TTN: variants seen among roughly 807,000 people sequenced by gnomAD.
TTN encodes connectin.
TTN carries 1,525 observed loss-of-function variants against 3,223.0 expected under a neutral mutation model. The observed-to-expected ratio is 0.47, with a 90% CI of 0.45 to 0.49. The LOEUF is 0.49. TTN is among the 20% of genes least tolerant of loss of function. TTN has a pLI of 0.00. For missense variants in TTN, 40,786 were observed against 43,424.0 expected, an observed-to-expected ratio of 0.94 and a Z score of 5.40; for synonymous variants, 14,094 against 15,161.0, an observed-to-expected ratio of 0.93 and a Z score of 5.17.
chr2:178,577,743 T>C lies in TTN; in HGVS notation c.68683A>G (p.Asn22895Asp), dbSNP rs2046758201. The C allele has an allele frequency of 6.2e-7, 1 of 1,613,440 alleles. No homozygotes were observed. The highest frequency in any genetic ancestry group is 1.1e-5 in the South Asian group (1 of 91,052). ...SKSWMKANHV[N>D]VPECAFTVTD... ...ACAGTAAAGGCACATTCTGGGACAT[T>C]AACATGGTTGGCTTTCATCCAAGAC... is the stretch of plus-strand genomic sequence containing the variant. Residue 22895 changes from asparagine (N) to aspartate (D), a missense_variant, in exon 323 of 363, where the codon AAT becomes GAT. Physicochemically the swap from Asn to Asp is conservative, Grantham distance 23. Transcript: ENST00000589042.
Position 178,618,641 on chromosome 2 carries a change from T to C in TTN, c.46909A>G (p.Ile15637Val). 1.2e-6 allele frequency: 2 copies of C among 1,612,492 alleles called. No homozygotes were observed. Among genetic ancestry groups the C allele is most frequent in the Non-Finnish European group, 1.7e-6 (2 of 1,179,052 alleles). Residue 15637 changes from isoleucine (I) to valine (V), a missense_variant, in exon 251 of 363, where the codon ATT (isoleucine) becomes GTT (valine). By Grantham distance (29) the Ile-to-Val change is conservative (BLOSUM62 3). Transcript: ENST00000589042. ...TTTCCATGTTTGTTCTGAAGCACAA[T>C]TTTATACCTCCCTTTGTCTCCTTTC... is the stretch of plus-strand genomic sequence containing the variant. ...AKKGDKGRYK[I>V]VLQNKHGKAE...
intron 49 of TTN, 72 bp downstream of exon 49, chr2:178,738,010 C>A: frequency 1.3e-6 from 2 of 1,557,460 alleles, no homozygotes; most frequent in South Asian, 1.2e-5. Flanking sequence ...ATTTCCCACA[C>A]ATGTACAGAA....
At position 178,712,524 on chromosome 2, in the gene TTN, C is replaced by G; in HGVS notation, c.27398G>C (p.Gly9133Ala). Reference protein sequence around the residue: ...IEKGKPLILEGTFTGTPPISV... With the variant: ...IEKGKPLILEATFTGTPPISV... ...AATGGGAGGAGTTCCAGTGAATGTA[C>G]CCTCTAGGATCAGGGGTTTTCCTTT... Residue 9133 changes from glycine (G) to alanine (A), a missense_variant, in exon 95 of 363, where the codon GGT becomes GCT. Coordinates refer to ENST00000589042, the MANE Select transcript of TTN (RefSeq NM_001267550.2). 6.2e-7 allele frequency: 1 copy of G among 1,613,604 alleles called. No individual in the cohort carries two copies. The highest frequency in any genetic ancestry group is 8.5e-7 in the Non-Finnish European group (1 of 1,179,716).
chr2:178,763,226 T>C (rs1244866344), intron 43 of TTN, among the ~76,000 whole-genome samples: 1 of 152,212 alleles, frequency 6.6e-6, no homozygotes, highest in Non-Finnish European at 1.5e-5. Context: ...TATTGTCTCA[T>C]TCTACCAAGA....
chr2:178,716,912 A>AT (rs113750404), intron 88 of TTN, among the ~76,000 whole-genome samples, 183 bp downstream of exon 88: 157 of 151,238 alleles, frequency 1.0e-3, no homozygotes, highest in Admixed American at 3.2e-3. Context: ...CTAGTTTTAA[A>AT]TTTTTTTTTT....
At position 178,542,412 on chromosome 2, in the gene TTN, C is replaced by T. The variant is rs775480570; in HGVS notation, c.97344G>A (p.Leu32448=). Residue 32448 remains leucine (L), a synonymous_variant, in exon 349 of 363, where the codon CTG becomes CTA. Transcript: ENST00000589042. The stretch of plus-strand genomic sequence containing the variant: ...ACCTAGTCACTGATTCAGAAACGGG[C>T]AGCCATCCTGGACGATGAGCGTCAC... ...EQRDAHRPGW[L]PVSESVTRST... is the part of the protein sequence containing the mutation. The T allele has an allele frequency of 5.6e-6, 9 of 1,613,544 alleles. No individual in the cohort carries two copies. The South Asian group carries it at 8.8e-5, about 16-fold the overall frequency.
rs147580753 is a variant in TTN, at chr2:178,590,403, T to C, written c.61322A>G (p.Asn20441Ser). 312 of 1,606,986 alleles carry C rather than the reference T, an allele frequency of 1.9e-4. 3 individuals carry two copies. The African/African-American group carries it at 3.9e-3, about 20-fold the overall frequency. ...TGCCTTTATACGGAATCTGTACTCA[T>C]TTCCTTCAATTAGTCCAGGTACCCT... The part of the protein sequence containing the change: ...AFRVPGLIEG[N>S]EYRFRIKAAN... The change falls in exon 304 of 363, where the codon AAT becomes AGT. Residue 20441 changes from asparagine to serine, a missense_variant. By Grantham distance (46) the Asn-to-Ser change is conservative. Transcript: ENST00000589042.
At chr2:178,678,982 A>G (rs1257472175) in intron 142 of TTN, among the ~76,000 whole-genome samples, 152 bp from the exon 143 acceptor site, 2 of 152,046 alleles carry the variant, frequency 1.3e-5, no homozygotes, top group Non-Finnish European at 2.9e-5. Context: ...AACAAAGGCC[A>G]GAAAATACAC....
At chr2:178,701,250 T>G in intron 110 of TTN, 47 bp from the exon 111 acceptor site, 6 of 1,531,814 alleles carry the variant, frequency 3.9e-6, no homozygotes, top group Non-Finnish European at 5.4e-6. Context: ...TTTCTTATTT[T>G]GCGTAAAATA....
chr2:178,701,828 G>A (rs1277451430), intron 109 of TTN, among the ~76,000 whole-genome samples: 3 of 152,126 alleles, frequency 2.0e-5, no homozygotes, highest in Non-Finnish European at 4.4e-5. Context: ...AGCATCAGCT[G>A]AGTGAGACCT....
chr2:178,593,496 T>C, intron 298 of TTN, 21 bp from the exon 299 acceptor site: 1 of 1,599,708 alleles, frequency 6.3e-7, no homozygotes, highest in Non-Finnish European at 8.5e-7. Flanking sequence ...TGTTGGAAAA[T>C]GCGTTAGAAA....
In TTN at chr2:178,688,216, C is replaced by T; in HGVS notation, c.32206G>A (p.Glu10736Lys). Residue 10736 changes from glutamate to lysine, a missense_variant, in exon 127 of 363, where the codon GAG (glutamate) becomes AAG (lysine). Coordinates refer to ENST00000589042, the MANE Select transcript of TTN (RefSeq NM_001267550.2). Reference protein sequence around the residue: ...VEVTRHEVSAEEEWSYSEEEE... With the variant: ...VEVTRHEVSAKEEWSYSEEEE... Reference sequence around the variant, plus strand: ...TCTTCTGAGTAACTCCATTCCTCCTCTGCAGATACTTTAAAAGATAAGGTT... The same window carrying T: ...TCTTCTGAGTAACTCCATTCCTCCTTTGCAGATACTTTAAAAGATAAGGTT... The T allele has an allele frequency of 1.9e-6, 3 of 1,612,274 alleles. No homozygotes were observed. Among genetic ancestry groups the T allele is most frequent in the Non-Finnish European group, 2.5e-6 (3 of 1,179,532 alleles).
In TTN at chr2:178,759,181, CAAAAG is replaced by C; in HGVS notation, c.10115-14_10115-10del. ...CCACGACACTTTTAGATCTGCGACACAAAAGAAAAGAGATACTTCAACCACAAAAA... is the reference window on the plus strand; with the variant it reads ...CCACGACACTTTTAGATCTGCGACACAAAAGAGATACTTCAACCACAAAAA... On this transcript the variant is annotated splice_polypyrimidine_tract_variant and intron_variant, in intron 43 of 362. Coordinates refer to ENST00000589042, the MANE Select transcript of TTN (RefSeq NM_001267550.2). The C allele has an allele frequency of 6.2e-7, 1 of 1,613,744 alleles. No individual in the cohort carries two copies. The highest frequency in any genetic ancestry group is 8.5e-7 in the Non-Finnish European group (1 of 1,179,856).
chr2:178,751,510 C>T (rs749558211), intron 47 of TTN: 12 of 1,613,246 alleles, frequency 7.4e-6, no homozygotes, highest in Non-Finnish European at 9.3e-6. Context: ...CAACCTTTAT[C>T]CTATCTTCTC....
rs533640993 is a variant in TTN at position 178,532,982 on chromosome 2, G to T, written c.103633C>A (p.Pro34545Thr). 8 of 1,613,826 alleles carry T rather than the reference G, an allele frequency of 5.0e-6. No individual in the cohort carries two copies. The East Asian group carries it at 1.6e-4, about 31-fold the overall frequency. Residue 34545 changes from proline (P) to threonine (T), a missense_variant, in exon 358 of 363, where the codon CCA becomes ACA. Physicochemically the swap from Pro to Thr is conservative, Grantham distance 38. Coordinates refer to ENST00000589042, the MANE Select transcript of TTN (RefSeq NM_001267550.2). ...ATGGTAGTCTGCTTATACTTGCGTG[G>T]CTCTGGTACATCATAAGGCATCCGG... ...KLRMPYDVPE[P>T]RKYKQTTIEE... is the part of the protein sequence containing the mutation.
intron 215 of TTN, 130 bp downstream of exon 215, chr2:178,646,934 A>G: frequency 2.8e-6 from 1 of 362,708 alleles, no homozygotes. Context: ...TCAAAAATAA[A>G]GCAGTCAAAC....
In TTN at chr2:178,618,631, T is replaced by C; in HGVS notation, c.46919A>G (p.Gln15640Arg). 1 of 1,612,408 alleles carries C rather than the reference T, an allele frequency of 6.2e-7. No individual in the cohort carries two copies. The highest frequency in any genetic ancestry group is 8.5e-7 in the Non-Finnish European group (1 of 1,179,016). The change falls in exon 251 of 363, where the codon CAG becomes CGG. Residue 15640 changes from glutamine to arginine, a missense_variant. Coordinates refer to ENST00000589042, the MANE Select transcript of TTN (RefSeq NM_001267550.2). ...GDKGRYKIVL[Q>R]NKHGKAEGFI... Reference sequence around the variant, plus strand: ...TCCTTCTGCTTTTCCATGTTTGTTCTGAAGCACAATTTTATACCTCCCTTT... The same window carrying C: ...TCCTTCTGCTTTTCCATGTTTGTTCCGAAGCACAATTTTATACCTCCCTTT...
Position 178,542,251 on chromosome 2 carries a change from C to T in TTN, c.97492+13G>A, listed in dbSNP as rs754036734. 6.3e-7 allele frequency: 1 copy of T among 1,598,086 alleles called. No individual in the cohort carries two copies. The highest frequency in any genetic ancestry group is 8.5e-7 in the Non-Finnish European group (1 of 1,169,852). On this transcript the variant is annotated intron_variant, in intron 349 of 362. Coordinates refer to ENST00000589042, the MANE Select transcript of TTN (RefSeq NM_001267550.2). ...AGAGGTGGGGAGAGTGGTGGAAGGG[C>T]CTGTGGACTTACGGATGCTGCTGCG...
In TTN at chr2:178,557,336, TCATAAATAA is replaced by T; in HGVS notation, c.87917_87925del (p.Leu29306_Glu29309delinsGln). The stretch of plus-strand genomic sequence containing the variant: ...AGCATTTTCTGCATACACCCTGAAT[TCATAAATAA>T]GTCCAGCACTGATTGTTGTGACTTT... On this transcript the variant is annotated inframe_deletion, in exon 329 of 363. Coordinates refer to ENST00000589042, the MANE Select transcript of TTN (RefSeq NM_001267550.2). 1.2e-6 allele frequency: 2 copies of T among 1,613,964 alleles called. No homozygotes were observed. The highest frequency in any genetic ancestry group is 1.7e-6 in the Non-Finnish European group (2 of 1,179,860).
Sources: gnomAD v4.1 joint callset for allele counts (sites outside exome capture counted in the v4.1 genomes callset) on GRCh38, gnomAD v4.1.1 for gene constraint, MANE v1.5 for transcripts, NCBI Gene and HGNC (gene_info 2026-07-23, HGNC 2026-07-21) for gene names.